The following ZNF385B variants were observed in gnomAD, a reference collection of about 807,000 sequenced individuals.
ZNF385B encodes zinc finger protein 385B.
ZNF385B carries 23 observed loss-of-function variants against 39.2 expected under a neutral mutation model. That is an observed-to-expected ratio of 0.59 (90% CI 0.42 to 0.83). The LOEUF (loss-of-function observed/expected upper bound fraction) is 0.83, where lower values mean the gene tolerates loss of function less well. Among genes scored for constraint, ZNF385B ranks in the 40% least tolerant of loss-of-function variants. The pLI, the probability that ZNF385B is intolerant of heterozygous loss-of-function variation, is 0.00. For missense variants in ZNF385B, 552 were observed against 598.9 expected, an observed-to-expected ratio of 0.92 and a Z score of 0.82; for synonymous variants, 205 against 222.6, an observed-to-expected ratio of 0.92 and a Z score of 0.70.
chr2:179,583,902 T>C (rs1360534952), intron 3 of ZNF385B: 13 of 1,303,036 alleles, frequency 1.0e-5, no homozygotes, highest in Non-Finnish European at 1.3e-5. Flanking sequence ...ATACATTTTC[T>C]CTCTGGGCCA....
At chr2:179,845,014 T>C (rs1252846311) in intron 1 of ZNF385B, among the ~76,000 whole-genome samples, 1 of 152,174 alleles carries the variant, frequency 6.6e-6, no homozygotes, top group Non-Finnish European at 1.5e-5. Flanking sequence ...TTTTTCCATA[T>C]GTCAGGAGCA....
intron 1 of ZNF385B, among the ~76,000 whole-genome samples, chr2:179,844,791 C>T (rs1708716984): frequency 6.6e-6 from 1 of 152,204 alleles, no homozygotes; most frequent in Non-Finnish European, 1.5e-5. Flanking sequence ...CTACTTATAT[C>T]AAGCTCTATC....
rs1255499731 is a variant in ZNF385B, at chr2:179,442,875, A to G, written c.*375T>C. 3.7e-6 allele frequency: 1 copy of G among 272,982 alleles called. No homozygotes were observed. The highest frequency in any genetic ancestry group is 7.1e-6 in the Non-Finnish European group (1 of 141,314). 16.9% of individuals were successfully genotyped at this position (272,982 alleles called of 1,614,324 possible). Reference sequence around the variant, plus strand: ...GAAGATCCTAGTTTTCAAGTCTGTCAGGAAAATATTCCATATTGTTTTAAG... The same window carrying G: ...GAAGATCCTAGTTTTCAAGTCTGTCGGGAAAATATTCCATATTGTTTTAAG... On this transcript the variant is annotated 3_prime_UTR_variant, in exon 10 of 10. Coordinates refer to ENST00000410066, the MANE Select transcript of ZNF385B (RefSeq NM_152520.6).
chr2:179,760,223 C>CGTGT (rs1553525685), intron 3 of ZNF385B, among the ~76,000 whole-genome samples: 33 of 144,542 alleles, frequency 2.3e-4, no homozygotes, highest in South Asian at 6.9e-4. Context: ...TTCCTGTGTG[C>CGTGT]GTGTGTGTGT....
chr2:179,446,654 A>C lies in ZNF385B; in HGVS notation c.832T>G (p.Ser278Ala), dbSNP rs2049514130. The change falls in exon 7 of 10, where the codon TCC becomes GCC. Residue 278 changes from serine to alanine, a missense_variant. By Grantham distance (99) the Ser-to-Ala change is moderately conservative (BLOSUM62 1). Coordinates refer to ENST00000410066, the MANE Select transcript of ZNF385B (RefSeq NM_152520.6). The stretch of plus-strand genomic sequence containing the variant: ...CCGGGAGCTCCATTTGTGCTCTTGG[A>C]GGGAGAAGTGGCTGCTCCAGGTGGC... ...PLPPGAATSP[S>A]KSTNGAPGTV... 1 of 1,613,908 alleles carries C rather than the reference A, an allele frequency of 6.2e-7. No individual in the cohort carries two copies. Among genetic ancestry groups the C allele is most frequent in the Admixed American group, 1.7e-5 (1 of 59,980 alleles).
At chr2:179,616,398 ATCT>A in intron 3 of ZNF385B, among the ~76,000 whole-genome samples, 1 of 152,120 alleles carries the variant, frequency 6.6e-6, no homozygotes, top group South Asian at 2.1e-4. Flanking sequence ...CAGTGGCACA[ATCT>A]TGGCTCACTG....
chr2:179,665,811 CTTT>C (rs72068930), intron 3 of ZNF385B, among the ~76,000 whole-genome samples: 232 of 146,842 alleles, frequency 1.6e-3, no homozygotes, highest in African/African-American at 5.5e-3. Context: ...GAAGTGCTAT[CTTT>C]TTTTTTTTTC....
intron 3 of ZNF385B, among the ~76,000 whole-genome samples, chr2:179,758,690 G>C (rs772353844): frequency 1.3e-5 from 2 of 152,176 alleles, no homozygotes; most frequent in Admixed American, 1.3e-4. Flanking sequence ...AACAAAGCCT[G>C]GTCTAATCTC....
intron 1 of ZNF385B, among the ~76,000 whole-genome samples, chr2:179,788,732 A>G (rs1304676997): frequency 2.6e-5 from 4 of 152,152 alleles, no homozygotes; most frequent in Non-Finnish European, 4.4e-5. Flanking sequence ...GACTGTTCAG[A>G]AGAGAACAGA....
At chr2:179,594,064 A>G (rs986519190) in intron 3 of ZNF385B, among the ~76,000 whole-genome samples, 1 of 152,218 alleles carries the variant, frequency 6.6e-6, no homozygotes, top group Admixed American at 6.5e-5. Flanking sequence ...GAAACAGAAG[A>G]CCAAGGAAAG....
intron 1 of ZNF385B, among the ~76,000 whole-genome samples, chr2:179,791,429 G>C (rs1000086954): frequency 2.0e-5 from 3 of 152,136 alleles, no homozygotes; most frequent in Non-Finnish European, 4.4e-5. Context: ...ATCAAAAGTA[G>C]AATATTTGTA....
At chr2:179,458,758 C>T (rs1048462433) in intron 6 of ZNF385B, among the ~76,000 whole-genome samples, 27 of 152,116 alleles carry the variant, frequency 1.8e-4, no homozygotes, top group African/African-American at 2.9e-4. Context: ...ACTTAACAAA[C>T]CTTACCCTTG....
At chr2:179,778,615 T>G (rs997672293) in intron 1 of ZNF385B, among the ~76,000 whole-genome samples, 1 of 152,256 alleles carries the variant, frequency 6.6e-6, no homozygotes, top group African/African-American at 2.4e-5. Context: ...GATTTTGTTT[T>G]GTGGGAAAGT....
chr2:179,691,233 C>A lies in ZNF385B; in HGVS notation c.298+78270G>T, dbSNP rs1040848701. Among the ~76,000 whole-genome samples the A allele has an allele frequency of 2.6e-5, 4 of 152,056 alleles. 1 individual carries two copies. Among genetic ancestry groups the A allele is most frequent in the Non-Finnish European group, 5.9e-5 (4 of 68,020 alleles). ...ACTAGTCATCCAGAACTTTCAAACCCTATGAAAACGAACTCAAAAGTTCAT... is the reference window on the plus strand; with the variant it reads ...ACTAGTCATCCAGAACTTTCAAACCATATGAAAACGAACTCAAAAGTTCAT... On this transcript the variant is annotated intron_variant, in intron 3 of 9. Transcript: ENST00000410066.
At chr2:179,685,701 A>AT (rs948391504) in intron 3 of ZNF385B, among the ~76,000 whole-genome samples, 12 of 151,660 alleles carry the variant, frequency 7.9e-5, no homozygotes, top group East Asian at 3.9e-4. Context: ...GTGCTAAAAA[A>AT]AAAAATAAAA....
At chr2:179,498,749 A>G (rs1395538597) in intron 5 of ZNF385B, among the ~76,000 whole-genome samples, 3 of 151,992 alleles carry the variant, frequency 2.0e-5, no homozygotes, top group African/African-American at 7.2e-5. Context: ...TCAAATACAC[A>G]ATCTAATGAT....
intron 3 of ZNF385B, among the ~76,000 whole-genome samples, chr2:179,621,936 T>A (rs1690250461): frequency 6.6e-6 from 1 of 152,178 alleles, no homozygotes; most frequent in Non-Finnish European, 1.5e-5. Context: ...GAGTTTAGCA[T>A]CTCTGAATCT....
intron 3 of ZNF385B, among the ~76,000 whole-genome samples, chr2:179,749,155 A>C: frequency 6.6e-6 from 1 of 152,026 alleles, no homozygotes; most frequent in East Asian, 1.9e-4. Flanking sequence ...CTATAAGATG[A>C]GTAACACTTC....
rs1163988106 is a variant in ZNF385B at position 179,820,144 on chromosome 2, G to T, written c.-155+40957C>A. Among the ~76,000 whole-genome samples the T allele has an allele frequency of 2.0e-5, 3 of 151,778 alleles. 1 individual carries two copies. Among genetic ancestry groups the T allele is most frequent in the South Asian group, 4.2e-4 (2 of 4,814 alleles). On this transcript the variant is annotated intron_variant, in intron 1 of 9. Coordinates refer to ENST00000410066, the MANE Select transcript of ZNF385B (RefSeq NM_152520.6). ...TTTCATTGATGTGTTTTCTTAAGTG[G>T]TAAGAATTTTTTAAAATAAAAGTTT...
Sources: gnomAD v4.1 joint callset for allele counts (sites outside exome capture counted in the v4.1 genomes callset) on GRCh38, gnomAD v4.1.1 for gene constraint, MANE v1.5 for transcripts, NCBI Gene and HGNC (gene_info 2026-07-23, HGNC 2026-07-21) for gene names.